TEX9: variants seen among roughly 807,000 people sequenced by gnomAD.
TEX9 encodes testis expressed 9.
Under a neutral mutation model 59.6 loss-of-function variants are expected in TEX9, and 74 were observed. The ratio of observed to expected loss-of-function variants is 1.24; its 90% CI spans 1.03 to 1.51. The LOEUF is 1.51. Among genes scored for constraint, TEX9 ranks in the 40% most tolerant of loss-of-function variants. The pLI is 0.00. For missense variants in TEX9, 522 were observed against 447.8 expected, an observed-to-expected ratio of 1.17 and a Z score of -1.49; for synonymous variants, 186 against 152.2, an observed-to-expected ratio of 1.22 and a Z score of -1.64.
intron 3 of TEX9, 102 bp from the exon 4 acceptor site, chr15:56,383,850 G>C (rs1364178644): frequency 1.2e-6 from 1 of 804,274 alleles, no homozygotes; most frequent in Non-Finnish European, 2.0e-6. Flanking sequence ...TGGAAACCTT[G>C]GACAATTCTG....
intron 1 of TEX9, among the ~76,000 whole-genome samples, chr15:56,331,783 A>G (rs1277389225): frequency 9.9e-5 from 15 of 152,060 alleles, no homozygotes; most frequent in African/African-American, 3.4e-4. Flanking sequence ...GAAAAAAACA[A>G]ACAACCCCAT....
intron 1 of TEX9, among the ~76,000 whole-genome samples, chr15:56,267,047 G>A (rs1318023621): frequency 3.3e-5 from 5 of 152,114 alleles, no homozygotes; most frequent in South Asian, 4.1e-4. Context: ...ATCTCATTGT[G>A]GTTTTGATTT....
At chr15:56,271,246 A>C (rs527380484) in intron 1 of TEX9, among the ~76,000 whole-genome samples, 1 of 152,102 alleles carries the variant, frequency 6.6e-6, no homozygotes, top group South Asian at 2.1e-4. Context: ...GCTTGGTTCC[A>C]TTCTCCCCGT....
At chr15:56,422,971 A>C (rs1484125019) in intron 10 of TEX9, among the ~76,000 whole-genome samples, 1 of 152,162 alleles carries the variant, frequency 6.6e-6, no homozygotes, top group Non-Finnish European at 1.5e-5. Flanking sequence ...AAGTTGTAGC[A>C]TGTGTCAGAA....
chr15:56,460,009 A>AAAAAAAAAAAAAAAAAAAAAAAAT, the TEX9 span, among the ~76,000 whole-genome samples: 2 of 26,406 alleles, frequency 7.6e-5, 1 homozygote, highest in African/African-American at 3.0e-4. Context: ...AAAAAAAAAA[A>AAAAAAAAAAAAAAAAAAAAAAAAT]ATACATATAT....
intron 9 of TEX9, chr15:56,398,095 A>T (rs1179720160): frequency 6.6e-6 from 1 of 152,202 alleles, no homozygotes; most frequent in Non-Finnish European, 1.5e-5. Context: ...AAAGTTAATT[A>T]TAGTATTTAA....
chr15:56,277,993 G>A (rs1395982347), intron 1 of TEX9, among the ~76,000 whole-genome samples: 2 of 151,266 alleles, frequency 1.3e-5, no homozygotes, highest in Admixed American at 6.6e-5. Context: ...TATTTCTTTG[G>A]TTTCCCCTTT....
intron 12 of TEX9, chr15:56,428,982 G>A (rs1024705780): frequency 5.2e-6 from 3 of 571,906 alleles, no homozygotes; most frequent in Non-Finnish European, 9.0e-6. Flanking sequence ...ATTCAGTGAT[G>A]ATTTACAAAA....
At chr15:56,248,714 C>A (rs968271528) in intron 1 of TEX9, 1 of 152,094 alleles carries the variant, frequency 6.6e-6, no homozygotes, top group African/African-American at 2.4e-5. Context: ...GCCAAAAAGT[C>A]CCAAGTAGAA....
intron 1 of TEX9, chr15:56,323,183 G>T: frequency 4.6e-6 from 1 of 217,406 alleles, no homozygotes; most frequent in South Asian, 7.9e-5. Context: ...CAAACTTGTT[G>T]GGAGGAGCAC....
chr15:56,421,795 C>T (rs2049988846), intron 10 of TEX9: 2 of 151,578 alleles, frequency 1.3e-5, no homozygotes, highest in South Asian at 4.1e-4. Flanking sequence ...AGGACATGAA[C>T]TCATCATTTT....
chr15:56,342,845 T>C (rs561772621), intron 1 of TEX9, among the ~76,000 whole-genome samples: 2 of 152,328 alleles, frequency 1.3e-5, no homozygotes, highest in South Asian at 4.1e-4. Flanking sequence ...GTAGGATGTA[T>C]GCTTTCCTAA....
intron 1 of TEX9, among the ~76,000 whole-genome samples, chr15:56,339,407 A>AAAC (rs1322010466): frequency 1.8e-4 from 27 of 149,828 alleles, no homozygotes; most frequent in Middle Eastern, 3.4e-3. Flanking sequence ...AAAAAAAAAA[A>AAAC]AAAAAAACAG....
chr15:56,434,781 A>G (rs979234541), intron 12 of TEX9, among the ~76,000 whole-genome samples: 5 of 152,054 alleles, frequency 3.3e-5, no homozygotes, highest in East Asian at 1.9e-4. Flanking sequence ...CAAACCACCC[A>G]TAAGTATTTT....
intron 1 of TEX9, among the ~76,000 whole-genome samples, chr15:56,273,998 A>G (rs1277187080): frequency 6.6e-6 from 1 of 152,078 alleles, no homozygotes; most frequent in Admixed American, 6.5e-5. Context: ...TTTTGGAAAA[A>G]TGTTAACCAT....
At chr15:56,387,939 G>A (rs1288762155) in intron 4 of TEX9, among the ~76,000 whole-genome samples, 1 of 151,960 alleles carries the variant, frequency 6.6e-6, no homozygotes, top group Non-Finnish European at 1.5e-5. Flanking sequence ...CATTTTACGT[G>A]TATTTATTCA....
At chr15:56,426,620 T>TAC (rs2050279973) in intron 10 of TEX9, among the ~76,000 whole-genome samples, 1 of 54,938 alleles carries the variant, frequency 1.8e-5, no homozygotes, top group African/African-American at 6.0e-5. Context: ...TATATATATA[T>TAC]ATATATACAC....
At chr15:56,425,752 A>G (rs2050207119) in intron 10 of TEX9, among the ~76,000 whole-genome samples, 1 of 152,074 alleles carries the variant, frequency 6.6e-6, no homozygotes, top group Non-Finnish European at 1.5e-5. Flanking sequence ...TTCCTTTAAT[A>G]TGGTCCATGT....
At chr15:56,345,161 G>A (rs2713940) in intron 1 of TEX9, among the ~76,000 whole-genome samples, 51,483 of 150,260 alleles carry the variant, frequency 0.34, 9,068 homozygotes, top group Middle Eastern at 0.5. Context: ...AGATATTCTG[G>A]GAGAGCTTAT....
Sources: gnomAD v4.1 joint callset for allele counts (sites outside exome capture counted in the v4.1 genomes callset) on GRCh38, gnomAD v4.1.1 for gene constraint, MANE v1.5 for transcripts, NCBI Gene and HGNC (gene_info 2026-07-23, HGNC 2026-07-21) for gene names.